The following NPC1 variants were observed in gnomAD, a reference collection of about 807,000 sequenced individuals.
NPC1 encodes the protein NPC intracellular cholesterol transporter 1.
Under a neutral mutation model 140.4 loss-of-function variants are expected in NPC1, and 85 were observed. That is an observed-to-expected ratio of 0.61 (90% CI 0.51 to 0.72). The LOEUF (loss-of-function observed/expected upper bound fraction) is 0.72, where lower values mean the gene tolerates loss of function less well. Ranked by LOEUF, NPC1 falls within the 30% of genes least tolerant of loss-of-function variation. The pLI is 0.00. For synonymous variants in NPC1, 656 were observed against 624.8 expected (o/e 1.05, Z -0.74); for missense variants, 1,504 against 1,623.8 (o/e 0.93, Z 1.27).
intron 6 of NPC1, among the ~76,000 whole-genome samples, chr18:23,559,328 A>G (rs530881958): frequency 2.1e-3 from 317 of 152,244 alleles, no homozygotes; most frequent in Non-Finnish European, 3.6e-3. Flanking sequence ...TGGGTTAAGG[A>G]TACACATAAA....
chr18:23,527,430 A>G (rs555453035), downstream of NPC1, among the ~76,000 whole-genome samples: 6 of 151,332 alleles, frequency 4.0e-5, no homozygotes, highest in African/African-American at 9.7e-5. Context: ...TCCCCTACCA[A>G]TATGTGCTGT....
At chr18:23,538,916 T>A (rs1016396106) in intron 19 of NPC1, 1 of 525,920 alleles carries the variant, frequency 1.9e-6, no homozygotes, top group Non-Finnish European at 3.4e-6. Context: ...CTGAAGTAGA[T>A]CTCCTCCTTC....
In NPC1 at chr18:23,560,422, A is replaced by C. The variant is rs768304872; in HGVS notation, c.690T>G (p.Ser230=). 4 of 1,614,066 alleles carry C rather than the reference A, an allele frequency of 2.5e-6. No individual in the cohort carries two copies. Among genetic ancestry groups the C allele is most frequent in the Non-Finnish European group, 3.4e-6 (4 of 1,179,894 alleles). Reference sequence around the variant, plus strand: ...TACATGGTGCTGTGACCTCATCCACAGACTCGTCACAGCCTTTGGTGGCAT... The same window carrying C: ...TACATGGTGCTGTGACCTCATCCACCGACTCGTCACAGCCTTTGGTGGCAT... The part of the protein sequence containing the change: ...MNNATKGCDE[S]VDEVTAPCSC... Residue 230 remains serine, a synonymous_variant, in exon 6 of 25, where the codon TCT becomes TCG. Coordinates refer to ENST00000269228, the MANE Select transcript of NPC1 (RefSeq NM_000271.5).
At chr18:23,540,076 A>C (rs892004057) in intron 17 of NPC1, 75 bp from the exon 18 acceptor site, 2 of 1,301,400 alleles carry the variant, frequency 1.5e-6, no homozygotes, top group Non-Finnish European at 2.2e-6. Flanking sequence ...GATCATGGAG[A>C]ATAAGAGGGT....
intron 23 of NPC1, 162 bp from the exon 24 acceptor site, chr18:23,533,679 TTG>T: frequency 1.4e-6 from 1 of 697,118 alleles, no homozygotes; most frequent in Non-Finnish European, 2.5e-6. Context: ...TGGCTAATTT[TTG>T]TGTTTTTAGT....
intron 9 of NPC1, 92 bp from the exon 10 acceptor site, chr18:23,551,819 G>A: frequency 1.1e-6 from 1 of 892,384 alleles, no homozygotes. Context: ...TGATGAGGCT[G>A]GCTGTATTCT....
chr18:23,512,864 C>T (rs146485581), intron 3 of NPC1, among the ~76,000 whole-genome samples: 1 of 152,244 alleles, frequency 6.6e-6, no homozygotes, highest in Non-Finnish European at 1.5e-5. Context: ...CTTTTTTCAT[C>T]TTGTGAAACC....
rs2058736933 is a variant in NPC1 at position 23,543,330 on chromosome 18, G to GAGAGAAAAAAAAAAAA, written c.2245+124_2245+125insTTTTTTTTTTTTCTCT. On this transcript the variant is annotated intron_variant, in intron 14 of 24. Transcript: ENST00000269228. ...GGTGGCAGAGTGAGACTCCGTCTCA[G>GAGAGAAAAAAAAAAAA]AGAAAAAAAAAAAAAAGAAAAAAAA... is the stretch of plus-strand genomic sequence containing the variant. 3 of 515,792 alleles carry GAGAGAAAAAAAAAAAA rather than the reference G, an allele frequency of 5.8e-6. No individual in the cohort carries two copies. The African/African-American group carries it at 1.2e-4, about 20-fold the overall frequency. The allele number at this position is 515,792 out of a possible 1,614,324, so 32.0% of individuals were successfully genotyped here.
chr18:23,568,000 T>C (rs929669215), intron 4 of NPC1, among the ~76,000 whole-genome samples: 21 of 152,238 alleles, frequency 1.4e-4, no homozygotes, highest in African/African-American at 4.6e-4. Context: ...CTCTCCTGTC[T>C]AGAAATCTTT....
At chr18:23,519,443 A>G (rs9967282), downstream of NPC1, among the ~76,000 whole-genome samples, 7 of 152,004 alleles carry the variant, frequency 4.6e-5, no homozygotes, top group Non-Finnish European at 1.0e-4. Flanking sequence ...GCTTGAGCCC[A>G]GGAGGTCGGG....
At position 23,561,353 on chromosome 18, in the gene NPC1, T is replaced by C. The variant is rs886044570; in HGVS notation, c.631+7A>G. 5.6e-6 allele frequency: 9 copies of C among 1,614,004 alleles called. No individual in the cohort carries two copies. The highest frequency in any genetic ancestry group is 4.0e-5 in the African/African-American group (3 of 74,934). ...AAACACACCAAACTTGGAATCTTTA[T>C]ACCTACCTGAAAACACAGGAGTGAT... On this transcript the variant is annotated splice_region_variant and intron_variant, in intron 5 of 24. Coordinates refer to ENST00000269228, the MANE Select transcript of NPC1 (RefSeq NM_000271.5).
intron 21 of NPC1, among the ~76,000 whole-genome samples, chr18:23,536,004 AC>A (rs1328939696): frequency 6.6e-6 from 1 of 151,354 alleles, no homozygotes; most frequent in African/African-American, 2.4e-5. Context: ...CTGAAAAAAC[AC>A]AAAAAAACAA....
exon 2 of NPC1, chr18:23,522,519 G>T (rs2058169548): frequency 6.6e-6 from 1 of 152,212 alleles, no homozygotes; most frequent in Non-Finnish European, 1.5e-5. Flanking sequence ...GTTAGTGTTA[G>T]TGTATTTTAT....
intron 2 of NPC1, 42 bp downstream of exon 2, chr18:23,573,410 A>G (rs2059231054): frequency 1.2e-6 from 2 of 1,613,526 alleles, no homozygotes; most frequent in African/African-American, 1.3e-5. Flanking sequence ...GGATCTTGTG[A>G]TCAGCATTTT....
chr18:23,530,286 G>A (rs1045572626), downstream of NPC1: 1 of 1,614,186 alleles, frequency 6.2e-7, no homozygotes. Flanking sequence ...GCTATCTCTG[G>A]ACATGCTGAA....
At chr18:23,572,328 A>G (rs2059215813) in intron 2 of NPC1, 148 bp from the exon 3 acceptor site, 1 of 659,698 alleles carries the variant, frequency 1.5e-6, no homozygotes, top group African/African-American at 1.8e-5. Context: ...GTTATTATAG[A>G]ATTATTTTAA....
chr18:23,562,288 CAAAAAAACAA>C (rs2059053436), intron 4 of NPC1, among the ~76,000 whole-genome samples: 1 of 102,760 alleles, frequency 9.7e-6, no homozygotes. Flanking sequence ...GACTCCATCA[CAAAAAAACAA>C]AAAAAAAAAA....
rs1268961276 is a variant in NPC1 at position 23,508,083 on chromosome 18, G to A, written c.432-1441C>T. The A allele has an allele frequency of 2.5e-6, 4 of 1,569,558 alleles. No homozygotes were observed. The African/African-American group carries it at 4.1e-5, about 16-fold the overall frequency. ...TTTCTCAGCTGCTGGTGTCAGTGGT[G>A]TTGAGCTGGGTTATGTAGTGGAGAG... is the stretch of plus-strand genomic sequence containing the variant. On this transcript the variant is annotated intron_variant, in intron 3 of 3. Coordinates refer to the NPC1 transcript ENST00000591107.
intron 20 of NPC1, 128 bp from the exon 21 acceptor site, chr18:23,537,004 G>A: frequency 2.6e-6 from 2 of 755,042 alleles, no homozygotes; most frequent in Admixed American, 4.0e-5. Flanking sequence ...GTACATTTCA[G>A]GGATGAAGAA....
Sources: allele counts gnomAD v4.1 joint callset (sites outside exome capture counted in the v4.1 genomes callset), GRCh38; gene constraint gnomAD v4.1.1; transcripts MANE v1.5; gene names NCBI Gene and HGNC (gene_info 2026-07-23, HGNC 2026-07-21).